The following MYO1E variants were observed in gnomAD, a reference collection of about 807,000 sequenced individuals.
The protein encoded by MYO1E is unconventional myosin-Ie.
In MYO1E, 68 loss-of-function variants were observed where a neutral mutation model predicts 151.1. The ratio of observed to expected loss-of-function variants is 0.45; its 90% CI spans 0.37 to 0.55. The LOEUF is 0.55. MYO1E is among the 20% of genes least tolerant of loss of function. MYO1E has a pLI of 0.00. For synonymous variants in MYO1E, 601 were observed against 501.7 expected (o/e 1.20, Z -2.64); for missense variants, 1,363 against 1,389.3 (o/e 0.98, Z 0.30).
At position 59,350,622 on chromosome 15, in the gene MYO1E, T is replaced by G. The variant is rs1371055732; in HGVS notation, c.3+21876A>C. Among the ~76,000 whole-genome samples, 1 of 152,126 alleles carries G rather than the reference T, an allele frequency of 6.6e-6. No individual in the cohort carries two copies. Among genetic ancestry groups the G allele is most frequent in the Non-Finnish European group, 1.5e-5 (1 of 68,022 alleles). Reference sequence around the variant, plus strand: ...AGGGAATGTCGAGAGTGTACAGGAATGTGGGAAGGCCAAAGGGAAAGATGG... The same window carrying G: ...AGGGAATGTCGAGAGTGTACAGGAAGGTGGGAAGGCCAAAGGGAAAGATGG... On this transcript the variant is annotated intron_variant, in intron 1 of 27. Transcript: ENST00000288235. The surrounding 1 kb of genome is among the most constrained non-coding windows in gnomAD (Gnocchi z 5.0).
intron 1 of MYO1E, among the ~76,000 whole-genome samples, chr15:59,279,545 A>T (rs1196402037): frequency 6.6e-6 from 1 of 152,180 alleles, no homozygotes; most frequent in Non-Finnish European, 1.5e-5. Flanking sequence ...GGTGTCACAC[A>T]AATCAGTCAA....
intron 1 of MYO1E, among the ~76,000 whole-genome samples, chr15:59,278,252 A>C (rs1214491144): frequency 6.6e-6 from 1 of 152,240 alleles, no homozygotes; most frequent in Non-Finnish European, 1.5e-5. Flanking sequence ...ACCTGGGACT[A>C]GAATGCCCCC....
chr15:59,201,540 G>A lies in MYO1E; in HGVS notation c.1698+786C>T, dbSNP rs561492131. Among the ~76,000 whole-genome samples the A allele has an allele frequency of 2.0e-4, 30 of 152,084 alleles. No homozygotes were observed. In the South Asian group the frequency reaches 3.5e-3, roughly 18 times the overall value. ...CTGCCTCAGCCTCCTGAGTAGCTGG[G>A]ATTACACTCACGTGCCACCACGCCT... is the stretch of plus-strand genomic sequence containing the variant. On this transcript the variant is annotated intron_variant, in intron 16 of 27. Transcript: ENST00000288235.
chr15:59,220,977 T>C (rs1175923497), intron 9 of MYO1E, among the ~76,000 whole-genome samples: 2 of 139,592 alleles, frequency 1.4e-5, no homozygotes, highest in Non-Finnish European at 3.1e-5. Context: ...TGATATAGCA[T>C]CATCTCACAT....
intron 1 of MYO1E, among the ~76,000 whole-genome samples, chr15:59,320,595 C>G (rs953341552): frequency 2.6e-4 from 39 of 152,182 alleles, no homozygotes; most frequent in African/African-American, 9.2e-4. Flanking sequence ...AAAGAACTTC[C>G]TATTCAATAA....
At chr15:59,261,364 T>G (rs2080223517) in intron 3 of MYO1E, 56 bp downstream of exon 3, 2 of 1,269,336 alleles carry the variant, frequency 1.6e-6, no homozygotes, top group African/African-American at 2.9e-5. Flanking sequence ...AGAAAAACCA[T>G]GTCTGCATCA....
Position 59,145,666 on chromosome 15 carries a change from A to G in MYO1E, c.3081-7299T>C, listed in dbSNP as rs540408710. On this transcript the variant is annotated intron_variant, in intron 26 of 27. Coordinates refer to ENST00000288235, the MANE Select transcript of MYO1E (RefSeq NM_004998.4). ...CTTGGCCTCCCAAAGTGCTGGGATT[A>G]CAGTCGTGAGCCACTGTGCCCAGCC... is the stretch of plus-strand genomic sequence containing the variant. Among the ~76,000 whole-genome samples, 3 of 152,292 alleles carry G rather than the reference A, an allele frequency of 2.0e-5. No individual in the cohort carries two copies. The South Asian group carries it at 6.2e-4, about 32-fold the overall frequency.
At chr15:59,358,425 G>A (rs1214324921) in intron 1 of MYO1E, among the ~76,000 whole-genome samples, 1 of 152,124 alleles carries the variant, frequency 6.6e-6, no homozygotes, top group Non-Finnish European at 1.5e-5. Context: ...GGATGGACAA[G>A]AGGCCTTGTG....
chr15:59,292,888 T>A (rs2080428045), intron 1 of MYO1E, among the ~76,000 whole-genome samples: 1 of 152,200 alleles, frequency 6.6e-6, no homozygotes, highest in African/African-American at 2.4e-5. Context: ...GACCTTGTTG[T>A]ATAAAGTCTC....
At chr15:59,168,609 T>A (rs2079574890) in intron 22 of MYO1E, among the ~76,000 whole-genome samples, 1 of 152,080 alleles carries the variant, frequency 6.6e-6, no homozygotes, top group Non-Finnish European at 1.5e-5. Context: ...AATTCACGGA[T>A]AATCACAATT....
intron 1 of MYO1E, among the ~76,000 whole-genome samples, chr15:59,296,839 CTTTTT>C (rs10717328): frequency 2.4e-5 from 3 of 125,528 alleles, no homozygotes; most frequent in African/African-American, 6.0e-5. Flanking sequence ...ATACTTTTTT[CTTTTT>C]TTTTTTTTTT....
At chr15:59,244,982 C>T (rs1173831544) in intron 4 of MYO1E, among the ~76,000 whole-genome samples, 1 of 152,216 alleles carries the variant, frequency 6.6e-6, no homozygotes, top group Non-Finnish European at 1.5e-5. Flanking sequence ...CAGGGTCAAT[C>T]TAGGCCCTTG....
At chr15:59,171,348 C>G in intron 22 of MYO1E, 3 of 165,044 alleles carry the variant, frequency 1.8e-5, no homozygotes, top group Non-Finnish European at 4.0e-5. Flanking sequence ...AGCAAGGGCC[C>G]TTCCTGAGGC....
intron 26 of MYO1E, among the ~76,000 whole-genome samples, chr15:59,151,067 GCA>G (rs2079475041): frequency 6.8e-6 from 1 of 146,890 alleles, no homozygotes; most frequent in Non-Finnish European, 1.5e-5. Flanking sequence ...GCGCGCACGT[GCA>G]CTTAGAGAGA....
intron 4 of MYO1E, among the ~76,000 whole-genome samples, chr15:59,243,145 A>G (rs2080110169): frequency 6.6e-6 from 1 of 150,704 alleles, no homozygotes; most frequent in Admixed American, 6.6e-5. Context: ...TATTGAACAC[A>G]ACTCTTATTT....
intron 6 of MYO1E, 144 bp from the exon 7 acceptor site, chr15:59,227,734 C>A: frequency 8.8e-7 from 1 of 1,142,484 alleles, no homozygotes; most frequent in East Asian, 2.5e-5. Context: ...TCTAGACTTC[C>A]TTAGTTTTCA....
chr15:59,328,427 C>T lies in MYO1E; in HGVS notation c.3+44071G>A, dbSNP rs139806703. On this transcript the variant is annotated intron_variant, in intron 1 of 27. Coordinates refer to ENST00000288235, the MANE Select transcript of MYO1E (RefSeq NM_004998.4). ...ATTGACCAGACAATGAACTTTCTGG[C>T]CCCTCTCCCAATACACGCTTGGTAC... Among the ~76,000 whole-genome samples the T allele has an allele frequency of 7.2e-4, 110 of 152,036 alleles. 3 individuals carry two copies. The highest frequency in any genetic ancestry group is 6.8e-3 in the Middle Eastern group (2 of 294).
intron 3 of MYO1E, among the ~76,000 whole-genome samples, chr15:59,259,416 C>G (rs2080212672): frequency 6.6e-6 from 1 of 152,064 alleles, no homozygotes; most frequent in Admixed American, 6.5e-5. Flanking sequence ...TGAGATCAGT[C>G]CAAAACAATG....
chr15:59,355,294 T>C (rs2140437374), intron 1 of MYO1E, among the ~76,000 whole-genome samples: 1 of 152,302 alleles, frequency 6.6e-6, no homozygotes, highest in Non-Finnish European at 1.5e-5. Context: ...CAATTTACCT[T>C]GCCTGTCTCA....
Sources: gnomAD v4.1 joint callset for allele counts (sites outside exome capture counted in the v4.1 genomes callset) on GRCh38, gnomAD v4.1.1 for gene constraint, Gnocchi (gnomAD v3.1) non-coding constraint, MANE v1.5 for transcripts, NCBI Gene and HGNC (gene_info 2026-07-23, HGNC 2026-07-21) for gene names.